Variants in TRAPPC6B observed in about 807,000 individuals in gnomAD.
TRAPPC6B encodes TRAPP complex subunit 6B.
TRAPPC6B carries 27 observed loss-of-function variants against 24.7 expected under a neutral mutation model. The observed-to-expected ratio is 1.09, with a 90% confidence interval of 0.81 to 1.51. TRAPPC6B has a LOEUF of 1.51. Among genes scored for constraint, TRAPPC6B ranks in the 40% most tolerant of loss-of-function variants. The pLI is 0.00. For synonymous variants in TRAPPC6B, 80 were observed against 66.6 expected (o/e 1.20, Z -0.98); for missense variants, 212 against 190.8 (o/e 1.11, Z -0.66).
chr14:39,168,805 C>T (rs138021778), intron 1 of TRAPPC6B, among the ~76,000 whole-genome samples: 1 of 152,338 alleles, frequency 6.6e-6, no homozygotes, highest in Non-Finnish European at 1.5e-5. Flanking sequence ...ATCTTCATCT[C>T]CTCCTGCAGT....
At chr14:39,162,348 G>A (rs1227125120) in intron 1 of TRAPPC6B, among the ~76,000 whole-genome samples, 1 of 151,212 alleles carries the variant, frequency 6.6e-6, no homozygotes, top group Non-Finnish European at 1.5e-5. Context: ...TAAGAGATGG[G>A]ATCTCACTCT....
chr14:39,166,348 A>C (rs1776017086), intron 1 of TRAPPC6B, among the ~76,000 whole-genome samples: 1 of 152,096 alleles, frequency 6.6e-6, no homozygotes, highest in Admixed American at 6.6e-5. Flanking sequence ...CTGTAGAATC[A>C]CCTAGGAACA....
chr14:39,166,890 A>G (rs2053113760), intron 1 of TRAPPC6B, among the ~76,000 whole-genome samples: 1 of 152,068 alleles, frequency 6.6e-6, no homozygotes, highest in Non-Finnish European at 1.5e-5. Context: ...TCCTTGATAA[A>G]CCCTAGACTC....
intron 1 of TRAPPC6B, among the ~76,000 whole-genome samples, chr14:39,168,131 G>A (rs1298751708): frequency 4.0e-5 from 6 of 151,342 alleles, no homozygotes; most frequent in African/African-American, 9.7e-5. Context: ...CAGGAGAATC[G>A]CTTGAACCCA....
rs147895366 is a variant in TRAPPC6B at position 39,148,475 on chromosome 14, T to C, written c.*1875A>G. On this transcript the variant is annotated 3_prime_UTR_variant, in exon 6 of 6. Transcript: ENST00000330149. Reference sequence around the variant, plus strand: ...AAAAGAAAAAAAAAATGGGGCTTTGTCAGCAAGGAAGGGAGAACGAAATGG... The same window carrying C: ...AAAAGAAAAAAAAAATGGGGCTTTGCCAGCAAGGAAGGGAGAACGAAATGG... 49 of 391,352 alleles carry C rather than the reference T, an allele frequency of 1.3e-4. No individual in the cohort carries two copies. Among genetic ancestry groups the C allele is most frequent in the African/African-American group, 8.0e-4 (39 of 48,576 alleles). The allele number at this position is 391,352 out of a possible 1,614,324, so 24.2% of individuals were successfully genotyped here.
rs896666137 is a variant in TRAPPC6B, at chr14:39,149,307, C to G, written c.*1043G>C. ...ACATCTTGTTTGGTGTGTCAGTCAC[C>G]CCCTGCTGCAGAGTTCCCTGTCACA... On this transcript the variant is annotated 3_prime_UTR_variant, in exon 6 of 6. Coordinates refer to ENST00000330149, the MANE Select transcript of TRAPPC6B (RefSeq NM_001079537.2). The G allele has an allele frequency of 6.6e-6, 1 of 152,072 alleles. No homozygotes were observed. The highest frequency in any genetic ancestry group is 1.5e-5 in the Non-Finnish European group (1 of 68,038). The allele number at this position is 152,072 out of a possible 1,614,324, so 9.4% of individuals were successfully genotyped here. A position where few individuals can be genotyped will look rare whatever the true frequency, so the allele number is the denominator to read the frequency against.
At chr14:39,168,605 C>A (rs891423159) in intron 1 of TRAPPC6B, among the ~76,000 whole-genome samples, 1 of 152,156 alleles carries the variant, frequency 6.6e-6, no homozygotes, top group Non-Finnish European at 1.5e-5. Flanking sequence ...TATCTTACCT[C>A]CTTATTTTTT....
At chr14:39,152,640 A>C (rs1467705126) in intron 4 of TRAPPC6B, among the ~76,000 whole-genome samples, 1 of 152,224 alleles carries the variant, frequency 6.6e-6, no homozygotes, top group African/African-American at 2.4e-5. Context: ...AAGCTGGAAG[A>C]GGCCTTAGAG....
intron 3 of TRAPPC6B, chr14:39,157,188 A>G: frequency 3.4e-6 from 1 of 294,216 alleles, no homozygotes; most frequent in Non-Finnish European, 6.6e-6. Flanking sequence ...GGCATTGGAC[A>G]GGACATCCAC....
In TRAPPC6B at chr14:39,150,089, A is replaced by T; in HGVS notation, c.*261T>A. The T allele has an allele frequency of 2.9e-6, 1 of 348,096 alleles. No homozygotes were observed. The highest frequency in any genetic ancestry group is 5.4e-5 in the East Asian group (1 of 18,462). The allele number at this position is 348,096 out of a possible 1,614,324, so 21.6% of individuals were successfully genotyped here. On this transcript the variant is annotated 3_prime_UTR_variant, in exon 6 of 6. Transcript: ENST00000330149. Reference sequence around the variant, plus strand: ...TGGCTAAATACATATCACTCTAACCAAATAAAAAGGTTTAAAATAAGGGCC... The same window carrying T: ...TGGCTAAATACATATCACTCTAACCTAATAAAAAGGTTTAAAATAAGGGCC...
chr14:39,170,268 A>G lies in TRAPPC6B; in HGVS notation c.-173T>C. On this transcript the variant is annotated 5_prime_UTR_variant, in exon 1 of 6. Transcript: ENST00000330149. ...CGACTTCCCAAAGGCTGGTACTGAA[A>G]TGAGTCTGGTACTGGAGAGAGCCCA... is the stretch of plus-strand genomic sequence containing the variant. The G allele has an allele frequency of 1.6e-6, 1 of 625,884 alleles. No individual in the cohort carries two copies. The highest frequency in any genetic ancestry group is 3.9e-4 in the Middle Eastern group (1 of 2,572). The allele number at this position is 625,884 out of a possible 1,614,324, so 38.8% of individuals were successfully genotyped here. A position where few individuals can be genotyped will look rare whatever the true frequency, so the allele number is the denominator to read the frequency against.
At chr14:39,151,570 C>A (rs1024732592) in intron 5 of TRAPPC6B, among the ~76,000 whole-genome samples, 176 bp downstream of exon 5, 2 of 151,406 alleles carry the variant, frequency 1.3e-5, no homozygotes, top group African/African-American at 4.9e-5. Context: ...GTCCATTATT[C>A]AAAAATTACT....
chr14:39,148,920 A>G lies in TRAPPC6B; in HGVS notation c.*1430T>C, dbSNP rs1292974331. 1 of 394,652 alleles carries G rather than the reference A, an allele frequency of 2.5e-6. No individual in the cohort carries two copies. Among genetic ancestry groups the G allele is most frequent in the Non-Finnish European group, 4.5e-6 (1 of 224,132 alleles). 24.4% of individuals were successfully genotyped at this position (394,652 alleles called of 1,614,324 possible). A position where few individuals can be genotyped will look rare whatever the true frequency, so the allele number is the denominator to read the frequency against. ...CCTAGGCTACAAACCTGTACAGCAT[A>G]TTATTGTAGTGAATACTGTAGGACA... On this transcript the variant is annotated 3_prime_UTR_variant, in exon 6 of 6. Transcript: ENST00000330149.
chr14:39,170,325 CT>C lies in TRAPPC6B; in HGVS notation c.-231del. 1 of 554,618 alleles carries C rather than the reference CT, an allele frequency of 1.8e-6. No homozygotes were observed. Among genetic ancestry groups the C allele is most frequent in the Non-Finnish European group, 3.2e-6 (1 of 315,666 alleles). The allele number at this position is 554,618 out of a possible 1,614,324, so 34.4% of individuals were successfully genotyped here. A position where few individuals can be genotyped will look rare whatever the true frequency, so the allele number is the denominator to read the frequency against. ...GGGGCTACCAAATCCTAGGGCCGAA[CT>C]AAAGTCTGACGGGAGCTCTAACCAA... On this transcript the variant is annotated 5_prime_UTR_variant, in exon 1 of 6. Transcript: ENST00000330149.
At position 39,166,000 on chromosome 14, in the gene TRAPPC6B, C is replaced by T. The variant is rs190700549; in HGVS notation, c.81+4015G>A. 7.0e-3 allele frequency among the ~76,000 whole-genome samples: 1,068 copies of T among 152,282 alleles called. 9 individuals carry two copies. Among genetic ancestry groups the T allele is most frequent in the Non-Finnish European group, 0.012 (811 of 68,012 alleles). On this transcript the variant is annotated intron_variant, in intron 1 of 5. Transcript: ENST00000330149. ...TGTATTTTTAGTAGAGACGGAGTTT[C>T]ACCATGTTGGCCAGGCTGGCCTGGA...
Position 39,150,343 on chromosome 14 carries a change from G to C in TRAPPC6B, c.*7C>G. The stretch of plus-strand genomic sequence containing the variant: ...TACACTGTTGAAGCCTTGCATTTCA[G>C]TATGTTCTACAGCTTCTGTATCATC... On this transcript the variant is annotated 3_prime_UTR_variant, in exon 6 of 6. Transcript: ENST00000330149. 1 of 1,580,452 alleles carries C rather than the reference G, an allele frequency of 6.3e-7. No homozygotes were observed. The highest frequency in any genetic ancestry group is 8.5e-7 in the Non-Finnish European group (1 of 1,169,742).
intron 3 of TRAPPC6B, chr14:39,157,323 C>T (rs1024261700): frequency 7.6e-5 from 28 of 368,396 alleles, no homozygotes; most frequent in Non-Finnish European, 1.1e-4. Context: ...AGGCCCTGCA[C>T]CGCCAAATAG....
At chr14:39,157,038 C>T (rs1038438773) in intron 3 of TRAPPC6B, among the ~76,000 whole-genome samples, 8 of 144,600 alleles carry the variant, frequency 5.5e-5, no homozygotes, top group East Asian at 2.1e-4. Context: ...ACCCAGGAGG[C>T]GGAGGTTGTG....
intron 1 of TRAPPC6B, among the ~76,000 whole-genome samples, chr14:39,165,352 C>A (rs2053097809): frequency 6.6e-6 from 1 of 152,128 alleles, no homozygotes; most frequent in African/African-American, 2.4e-5. Flanking sequence ...CATTCACATT[C>A]TTTAAATTCT....
Sources: allele counts gnomAD v4.1 joint callset (sites outside exome capture counted in the v4.1 genomes callset), GRCh38; gene constraint gnomAD v4.1.1; transcripts MANE v1.5; gene names NCBI Gene and HGNC (gene_info 2026-07-23, HGNC 2026-07-21).